Variants in MYO1D observed in about 807,000 individuals in gnomAD.
MYO1D encodes myosin ID.
In MYO1D, 83 loss-of-function variants were observed where a neutral mutation model predicts 122.0. The observed-to-expected ratio is 0.68, with a 90% CI of 0.57 to 0.82. The LOEUF (loss-of-function observed/expected upper bound fraction) is 0.82, where lower values mean the gene tolerates loss of function less well. Ranked by LOEUF, MYO1D falls within the 40% of genes least tolerant of loss-of-function variation. The pLI is 0.00. For missense variants in MYO1D, 1,157 were observed against 1,269.5 expected, an observed-to-expected ratio of 0.91 and a Z score of 1.35; for synonymous variants, 464 against 446.9, an observed-to-expected ratio of 1.04 and a Z score of -0.48.
At chr17:32,607,603 AT>A (rs2087644497) in intron 20 of MYO1D, among the ~76,000 whole-genome samples, 1 of 152,196 alleles carries the variant, frequency 6.6e-6, no homozygotes, top group African/African-American at 2.4e-5. Context: ...TAATCTATAG[AT>A]TTAATGAAAT....
chr17:32,721,620 G>C (rs9907817), intron 14 of MYO1D, among the ~76,000 whole-genome samples: 1 of 152,064 alleles, frequency 6.6e-6, no homozygotes, highest in Non-Finnish European at 1.5e-5. Context: ...TGATAGGGAC[G>C]GACAGCTCTG....
chr17:32,738,182 A>G (rs75095788), intron 14 of MYO1D, 71 bp downstream of exon 14: 101,124 of 1,337,742 alleles, frequency 0.076, 4,325 homozygotes, highest in Non-Finnish European at 0.082. Context: ...CAAATCATAC[A>G]TACATTCTTT....
intron 1 of MYO1D, among the ~76,000 whole-genome samples, chr17:32,814,854 T>C (rs1261492223): frequency 1.3e-5 from 2 of 152,208 alleles, no homozygotes; most frequent in Non-Finnish European, 2.9e-5. Context: ...CTTTGCTCCA[T>C]GCAACTGTTC....
At position 32,832,240 on chromosome 17, in the gene MYO1D, C is replaced by T. The variant is rs562202206; in HGVS notation, c.95+44538G>A. Among the ~76,000 whole-genome samples the T allele has an allele frequency of 2.2e-4, 34 of 151,772 alleles. No individual in the cohort carries two copies. In the South Asian group the frequency reaches 6.7e-3, roughly 30 times the overall value. The stretch of plus-strand genomic sequence containing the variant: ...TCCCACCTCAGCTCCCTTGACTCCA[C>T]TGCTGGAACTACAGGCACGCACCAC... On this transcript the variant is annotated intron_variant, in intron 1 of 21. Transcript: ENST00000318217.
Position 32,640,432 on chromosome 17 carries a change from G to A in MYO1D, c.2596-1597C>T, listed in dbSNP as rs574432886. ...GCTGGTGCGCTGCACCCACTAACTC[G>A]TCATCTAGCATTAGGTATATCTCCC... On this transcript the variant is annotated intron_variant, in intron 19 of 21. Coordinates refer to ENST00000318217, the MANE Select transcript of MYO1D (RefSeq NM_015194.3). Among the ~76,000 whole-genome samples the A allele has an allele frequency of 6.8e-5, 10 of 147,684 alleles. No individual in the cohort carries two copies. The East Asian group carries it at 8.0e-4, about 12-fold the overall frequency.
chr17:32,782,011 C>G (rs1413267769), intron 1 of MYO1D, among the ~76,000 whole-genome samples: 1 of 152,190 alleles, frequency 6.6e-6, no homozygotes, highest in Non-Finnish European at 1.5e-5. Flanking sequence ...TGTGCCCTGA[C>G]AGGCAAAATG....
At chr17:32,802,676 C>T (rs188046812) in intron 1 of MYO1D, among the ~76,000 whole-genome samples, 4 of 152,186 alleles carry the variant, frequency 2.6e-5, no homozygotes, top group African/African-American at 9.6e-5. Flanking sequence ...GATGAATGCC[C>T]AATTGTTAAT....
intron 21 of MYO1D, among the ~76,000 whole-genome samples, chr17:32,540,069 G>A (rs529641167): frequency 2.0e-5 from 3 of 152,096 alleles, no homozygotes; most frequent in African/African-American, 7.2e-5. Flanking sequence ...AAAGAGGCCG[G>A]ACACAGTGGC....
intron 1 of MYO1D, among the ~76,000 whole-genome samples, chr17:32,867,176 A>G (rs921403699): frequency 4.1e-4 from 62 of 151,998 alleles, no homozygotes; most frequent in African/African-American, 1.3e-3. Flanking sequence ...AAATACAAAA[A>G]TGAGCTGGAT....
At chr17:32,845,898 A>G (rs980992384) in intron 1 of MYO1D, among the ~76,000 whole-genome samples, 1 of 152,104 alleles carries the variant, frequency 6.6e-6, no homozygotes, top group Non-Finnish European at 1.5e-5. Flanking sequence ...TTATTTGAGC[A>G]TCTTACTCTG....
intron 11 of MYO1D, among the ~76,000 whole-genome samples, chr17:32,749,358 A>T (rs943028914): frequency 6.6e-6 from 1 of 152,206 alleles, no homozygotes; most frequent in Non-Finnish European, 1.5e-5. Flanking sequence ...GTAGTCCCTA[A>T]GGCATGGAAT....
intron 21 of MYO1D, among the ~76,000 whole-genome samples, chr17:32,592,498 GT>G (rs1242091807): frequency 6.6e-6 from 1 of 152,070 alleles, no homozygotes; most frequent in African/African-American, 2.4e-5. Flanking sequence ...TATGATTTCA[GT>G]TTTTACAATT....
chr17:32,857,057 A>G (rs1243688594), intron 1 of MYO1D, among the ~76,000 whole-genome samples: 1 of 152,264 alleles, frequency 6.6e-6, no homozygotes, highest in African/African-American at 2.4e-5. Flanking sequence ...TTAATCAGTT[A>G]TGTGACTTTG....
At chr17:32,626,650 T>TA (rs564274228) in intron 20 of MYO1D, among the ~76,000 whole-genome samples, 3 of 151,852 alleles carry the variant, frequency 2.0e-5, no homozygotes, top group African/African-American at 4.8e-5. Flanking sequence ...AAAAACACAT[T>TA]AAAAAAAAGA....
intron 21 of MYO1D, among the ~76,000 whole-genome samples, chr17:32,555,829 T>C (rs1452627713): frequency 2.0e-5 from 3 of 152,196 alleles, no homozygotes; most frequent in African/African-American, 4.8e-5. Flanking sequence ...CTAAGTTCTT[T>C]TCTGCCTCAG....
At chr17:32,601,634 A>C (rs1301951956) in intron 21 of MYO1D, among the ~76,000 whole-genome samples, 1 of 152,164 alleles carries the variant, frequency 6.6e-6, no homozygotes, top group Admixed American at 6.5e-5. Context: ...CTAGGCATTG[A>C]CCTTCTCCTC....
intron 20 of MYO1D, among the ~76,000 whole-genome samples, chr17:32,617,089 G>A (rs555069832): frequency 4.6e-5 from 7 of 152,286 alleles, no homozygotes; most frequent in East Asian, 1.9e-4. Flanking sequence ...GCTGAGGCAC[G>A]AGAATTGTTG....
intron 13 of MYO1D, among the ~76,000 whole-genome samples, chr17:32,741,224 TA>T (rs58505921): frequency 0.04 from 4,048 of 100,250 alleles, 108 homozygotes; most frequent in East Asian, 0.23. Context: ...ATACCACTTC[TA>T]AAAAAAAAAA....
chr17:32,591,831 G>C (rs1403029188), intron 21 of MYO1D, among the ~76,000 whole-genome samples: 3 of 152,156 alleles, frequency 2.0e-5, no homozygotes, highest in Admixed American at 2.0e-4. Flanking sequence ...GTAGGTTCCT[G>C]GAGGGTCTGA....
Sources: gnomAD v4.1 joint callset for allele counts (sites outside exome capture counted in the v4.1 genomes callset) on GRCh38, gnomAD v4.1.1 for gene constraint, MANE v1.5 for transcripts, NCBI Gene and HGNC (gene_info 2026-07-23, HGNC 2026-07-21) for gene names.